Variants in LHFPL3 observed in about 807,000 individuals in gnomAD.
LHFPL3 encodes LHFPL tetraspan subfamily member 3, also known as LHFPL tetraspan subfamily member 3 protein.
A neutral mutation model predicts 19.3 loss-of-function variants in LHFPL3; 5 were observed. The observed-to-expected ratio is 0.26, with a 90% confidence interval of 0.14 to 0.54. LHFPL3 has a LOEUF of 0.54. Ranked by LOEUF, LHFPL3 falls within the 20% of genes least tolerant of loss-of-function variation. LHFPL3 has a pLI of 0.94. For synonymous variants in LHFPL3, 133 were observed against 126.2 expected (o/e 1.05, Z -0.36); for missense variants, 249 against 307.4 (o/e 0.81, Z 1.42).
At chr7:104,577,500 G>A (rs1790361656) in intron 1 of LHFPL3, among the ~76,000 whole-genome samples, 1 of 152,150 alleles carries the variant, frequency 6.6e-6, no homozygotes, top group African/African-American at 2.4e-5. Context: ...ATATATGTGT[G>A]TACAAGTATA....
intron 2 of LHFPL3, among the ~76,000 whole-genome samples, chr7:104,881,123 T>G (rs532141360): frequency 1.5e-5 from 2 of 132,990 alleles, no homozygotes; most frequent in African/African-American, 5.9e-5. Flanking sequence ...TGAGCCGGGA[T>G]AGCACCACTG....
chr7:104,571,827 A>G (rs1406660560), intron 1 of LHFPL3, among the ~76,000 whole-genome samples: 1 of 152,218 alleles, frequency 6.6e-6, no homozygotes, highest in African/African-American at 2.4e-5. Flanking sequence ...GGACAGAGGA[A>G]CAGAGTTCAG....
intron 1 of LHFPL3, among the ~76,000 whole-genome samples, chr7:104,594,481 A>G (rs1790797842): frequency 6.6e-6 from 1 of 151,982 alleles, no homozygotes; most frequent in African/African-American, 2.4e-5. Flanking sequence ...TTTTTCCTTC[A>G]TTTCAACCTT....
intron 1 of LHFPL3, among the ~76,000 whole-genome samples, chr7:104,734,188 T>C (rs990243351): frequency 6.6e-6 from 1 of 152,212 alleles, no homozygotes; most frequent in South Asian, 2.1e-4. Context: ...ACTCTGACAA[T>C]TATGTATCTT....
At chr7:104,468,633 C>T (rs981038148) in intron 1 of LHFPL3, among the ~76,000 whole-genome samples, 3 of 150,582 alleles carry the variant, frequency 2.0e-5, no homozygotes, top group Non-Finnish European at 4.4e-5. Flanking sequence ...ACAAATTTCC[C>T]AAAGTAGAAA....
At chr7:104,840,092 A>T (rs977741500) in intron 2 of LHFPL3, among the ~76,000 whole-genome samples, 4 of 151,998 alleles carry the variant, frequency 2.6e-5, no homozygotes, top group African/African-American at 9.7e-5. Context: ...TATTATCATT[A>T]TTATCCAGTC....
At chr7:104,761,366 G>A (rs1322466619) in intron 2 of LHFPL3, among the ~76,000 whole-genome samples, 1 of 152,078 alleles carries the variant, frequency 6.6e-6, no homozygotes, top group Non-Finnish European at 1.5e-5. Context: ...GGGTGTGGGT[G>A]TATTTGAATA....
At chr7:104,563,052 G>C (rs1209576275) in intron 1 of LHFPL3, among the ~76,000 whole-genome samples, 1 of 152,166 alleles carries the variant, frequency 6.6e-6, no homozygotes, top group Non-Finnish European at 1.5e-5. Flanking sequence ...CAGATCTCCA[G>C]CTGCGTGCTG....
At chr7:104,711,854 G>A (rs1793304925) in intron 1 of LHFPL3, among the ~76,000 whole-genome samples, 1 of 152,176 alleles carries the variant, frequency 6.6e-6, no homozygotes, top group Admixed American at 6.5e-5. Context: ...TTGATCTCAT[G>A]CCCGTCAATT....
Position 104,328,666 on chromosome 7 carries a change from G to A in LHFPL3, c.-114G>A, listed in dbSNP as rs2116336622. The A allele has an allele frequency of 1.1e-6, 1 of 880,180 alleles. No individual in the cohort carries two copies. Among genetic ancestry groups the A allele is most frequent in the South Asian group, 1.6e-5 (1 of 62,662 alleles). The allele number at this position is 880,180 out of a possible 1,614,324, so 54.5% of individuals were successfully genotyped here. ...CTGAAACTGGTGCTGCTGGGCTGAG[G>A]CGGAGGCAGGGGAGTTGCAGCGCGC... On this transcript the variant is annotated 5_prime_UTR_variant, in exon 1 of 3. Transcript: ENST00000424859. This position sits in a 1 kb window ranked among gnomAD's most constrained non-coding sequence, Gnocchi z 4.6.
chr7:104,522,854 A>G (rs1382463884), intron 1 of LHFPL3, among the ~76,000 whole-genome samples: 3 of 152,142 alleles, frequency 2.0e-5, no homozygotes, highest in Non-Finnish European at 4.4e-5. Flanking sequence ...GGACCTTCCA[A>G]GCAACAGGGA....
chr7:104,810,775 G>T (rs1790450844), intron 2 of LHFPL3, among the ~76,000 whole-genome samples: 1 of 152,190 alleles, frequency 6.6e-6, no homozygotes, highest in Non-Finnish European at 1.5e-5. Context: ...GAACCAACAA[G>T]GTACTCAAGT....
chr7:104,623,034 G>C, intron 1 of LHFPL3: 1 of 369,090 alleles, frequency 2.7e-6, no homozygotes, highest in South Asian at 2.0e-5. Context: ...GATGGCTAAT[G>C]ATGTTGAGCA....
Position 104,807,015 on chromosome 7 carries a change from G to A in LHFPL3, c.682+70104G>A, listed in dbSNP as rs903046127. 2.8e-3 allele frequency among the ~76,000 whole-genome samples: 194 copies of A among 69,292 alleles called. 1 individual carries two copies. Among genetic ancestry groups the A allele is most frequent in the African/African-American group, 8.7e-3 (129 of 14,888 alleles). The allele number at this position is 69,292 out of a possible 152,430, so 45.5% of individuals were successfully genotyped here. Reference sequence around the variant, plus strand: ...TTGTGCCCCACCAAAATATATATGTGTGTGTGTGTGTGTGTGTGTGTGTGT... The same window carrying A: ...TTGTGCCCCACCAAAATATATATGTATGTGTGTGTGTGTGTGTGTGTGTGT... On this transcript the variant is annotated intron_variant, in intron 2 of 2. Coordinates refer to ENST00000424859, the MANE Select transcript of LHFPL3 (RefSeq NM_199000.3).
At chr7:104,794,300 A>C (rs548090540) in intron 2 of LHFPL3, among the ~76,000 whole-genome samples, 2 of 152,322 alleles carry the variant, frequency 1.3e-5, no homozygotes, top group Admixed American at 6.5e-5. Context: ...CACATGATGA[A>C]TGCATAGCGT....
intron 2 of LHFPL3, among the ~76,000 whole-genome samples, chr7:104,858,030 A>G (rs1791542983): frequency 1.3e-5 from 2 of 152,332 alleles, no homozygotes; most frequent in Middle Eastern, 3.4e-3. Flanking sequence ...AATGCAAACC[A>G]GAGTATCTCA....
At chr7:104,505,173 TA>T (rs1793672813) in intron 1 of LHFPL3, among the ~76,000 whole-genome samples, 2 of 152,232 alleles carry the variant, frequency 1.3e-5, no homozygotes, top group Admixed American at 1.3e-4. Flanking sequence ...AGATAAGCTT[TA>T]AAGGAAATGT....
At chr7:104,541,761 A>AT (rs1204916623) in intron 1 of LHFPL3, among the ~76,000 whole-genome samples, 7 of 152,060 alleles carry the variant, frequency 4.6e-5, no homozygotes, top group African/African-American at 1.4e-4. Context: ...AACTTGAATG[A>AT]TTTTTTCTCT....
intron 1 of LHFPL3, among the ~76,000 whole-genome samples, chr7:104,353,026 G>A (rs902225472): frequency 6.6e-6 from 1 of 152,226 alleles, no homozygotes; most frequent in African/African-American, 2.4e-5. Flanking sequence ...TTATCCCTCT[G>A]CAGTTCTGGA....
Sources: gnomAD v4.1 joint callset for allele counts (sites outside exome capture counted in the v4.1 genomes callset) on GRCh38, gnomAD v4.1.1 for gene constraint, Gnocchi (gnomAD v3.1) non-coding constraint, MANE v1.5 for transcripts, NCBI Gene and HGNC (gene_info 2026-07-23, HGNC 2026-07-21) for gene names.